IGSF3: variants seen among roughly 807,000 people sequenced by gnomAD.
IGSF3 encodes glu-Trp-Ile EWI motif-containing protein 3.
IGSF3 carries 23 observed loss-of-function variants against 114.4 expected under a neutral mutation model. The observed-to-expected ratio is 0.20, with a 90% CI of 0.14 to 0.28. IGSF3 has a LOEUF of 0.28. Ranked by LOEUF, IGSF3 falls within the 10% of genes least tolerant of loss-of-function variation. The pLI, the probability that IGSF3 is intolerant of heterozygous loss-of-function variation, is 1.00. For synonymous variants in IGSF3, 571 were observed against 645.2 expected (o/e 0.88, Z 1.74); for missense variants, 1,172 against 1,591.5 (o/e 0.74, Z 4.48).
Position 116,574,573 on chromosome 1 carries a change from C to G in IGSF3, c.*2739G>C, listed in dbSNP as rs1045795971. ...ATCTTTTTTTTTCCTCAATAATTAA[C>G]GCAGAGAAACCATTGTTTGAAAAGA... is the stretch of plus-strand genomic sequence containing the variant. On this transcript the variant is annotated 3_prime_UTR_variant, in exon 11 of 11. Transcript: ENST00000369486. The surrounding 1 kb of genome is among the most constrained non-coding windows in gnomAD (Gnocchi z 5.2). The G allele has an allele frequency of 1.3e-5, 2 of 152,388 alleles. No individual in the cohort carries two copies. The highest frequency in any genetic ancestry group is 2.4e-5 in the African/African-American group (1 of 41,368). 9.4% of individuals were successfully genotyped at this position (152,388 alleles called of 1,614,324 possible).
rs1439193248 is a variant in IGSF3 at position 116,627,158 on chromosome 1, C to G, written c.44-10701G>C. On this transcript the variant is annotated intron_variant, in intron 2 of 10. Transcript: ENST00000369486. This position sits in a 1 kb window ranked among gnomAD's most constrained non-coding sequence, Gnocchi z 4.7. ...GGGCATTTTTTTTTAAAGAGGGCAG[C>G]TTCGTGGCAACACTCCCTCTGAGAA... Among the ~76,000 whole-genome samples, 1 of 152,056 alleles carries G rather than the reference C, an allele frequency of 6.6e-6. No homozygotes were observed. Among genetic ancestry groups the G allele is most frequent in the Non-Finnish European group, 1.5e-5 (1 of 68,004 alleles).
At position 116,577,277 on chromosome 1, in the gene IGSF3, C is replaced by T. The variant is rs1360952577; in HGVS notation, c.*35G>A. 8 of 1,608,050 alleles carry T rather than the reference C, an allele frequency of 5.0e-6. No homozygotes were observed. Among genetic ancestry groups the T allele is most frequent in the African/African-American group, 1.3e-5 (1 of 74,734 alleles). ...CACAGAGAAAGGGAGAGCCTCAGCT[C>T]CTCCGTGGCCAACATCCGCTGGGGC... is the stretch of plus-strand genomic sequence containing the variant. On this transcript the variant is annotated 3_prime_UTR_variant, in exon 11 of 11. Transcript: ENST00000369486. This position sits in a 1 kb window ranked among gnomAD's most constrained non-coding sequence, Gnocchi z 5.7.
In IGSF3 at chr1:116,603,826, G is replaced by A; in HGVS notation, c.1422C>T (p.Ser474=). 2 of 1,614,042 alleles carry A rather than the reference G, an allele frequency of 1.2e-6. No individual in the cohort carries two copies. Among genetic ancestry groups the A allele is most frequent in the Non-Finnish European group, 1.7e-6 (2 of 1,179,882 alleles). ...CCCCAAAGCTGCTGCGCTCCCAGTA[G>A]GACGAGCCTGGCTGCACGGTGCCAT... The part of the protein sequence containing the change: ...DRDGTVQPGS[S]YWERSSFGGV... Residue 474 remains serine, a synonymous_variant, in exon 6 of 11, where the codon TCC becomes TCT. Transcript: ENST00000369486. The surrounding 1 kb of genome is among the most constrained non-coding windows in gnomAD (Gnocchi z 7.1).
rs756345113 is a variant in IGSF3, at chr1:116,585,972, C to T, written c.2441-920G>A. 4.7e-4 allele frequency among the ~76,000 whole-genome samples: 72 copies of T among 152,332 alleles called. No homozygotes were observed. The highest frequency in any genetic ancestry group is 3.4e-3 in the Middle Eastern group (1 of 294). Reference sequence around the variant, plus strand: ...TTGAAAACTCAGCCAAGCAGAGTCTCCTCCAGTAGAAAAATGTCTTTAATG... The same window carrying T: ...TTGAAAACTCAGCCAAGCAGAGTCTTCTCCAGTAGAAAAATGTCTTTAATG... On this transcript the variant is annotated intron_variant, in intron 8 of 10. Transcript: ENST00000369486. This position sits in a 1 kb window ranked among gnomAD's most constrained non-coding sequence, Gnocchi z 4.9.
At position 116,577,119 on chromosome 1, in the gene IGSF3, T is replaced by A. The variant is rs116610628; in HGVS notation, c.*193A>T. 0.026 allele frequency: 15,333 copies of A among 599,730 alleles called. 288 individuals are homozygous for A. The highest frequency in any genetic ancestry group is 0.032 in the Non-Finnish European group (10,845 of 342,960). The allele number at this position is 599,730 out of a possible 1,614,324, so 37.2% of individuals were successfully genotyped here. On this transcript the variant is annotated 3_prime_UTR_variant, in exon 11 of 11. Transcript: ENST00000369486. This position sits in a 1 kb window ranked among gnomAD's most constrained non-coding sequence, Gnocchi z 5.7. Reference sequence around the variant, plus strand: ...CAGGATCACAACATTTGCGCGCAAATAGCTAACCAACCAAGACTGCCACCG... The same window carrying A: ...CAGGATCACAACATTTGCGCGCAAAAAGCTAACCAACCAAGACTGCCACCG...
In IGSF3 at chr1:116,627,137, A is replaced by AT. The variant is rs1202408653; in HGVS notation, c.44-10681dup. ...AACAGAAATAGGCTGAGTGTTGGGC[A>AT]TTTTTTTTTAAAGAGGGCAGCTTCG... On this transcript the variant is annotated intron_variant, in intron 2 of 10. Coordinates refer to ENST00000369486, the MANE Select transcript of IGSF3 (RefSeq NM_001007237.3). The surrounding 1 kb of genome is among the most constrained non-coding windows in gnomAD (Gnocchi z 4.7). Among the ~76,000 whole-genome samples the AT allele has an allele frequency of 1.7e-4, 25 of 151,198 alleles. No individual in the cohort carries two copies. The highest frequency in any genetic ancestry group is 5.3e-4 in the Admixed American group (8 of 15,186).
Position 116,647,662 on chromosome 1 carries a change from T to C in IGSF3, c.43+18622A>G, listed in dbSNP as rs544485565. Among the ~76,000 whole-genome samples the C allele has an allele frequency of 7.7e-4, 118 of 152,320 alleles. No individual in the cohort carries two copies. The highest frequency in any genetic ancestry group is 1.5e-3 in the Non-Finnish European group (103 of 68,026). ...ATACTGCTGGCTCCATAACAAATGT[T>C]GATTGAATGTTGTCTGGGCGGACAG... is the stretch of plus-strand genomic sequence containing the variant. On this transcript the variant is annotated intron_variant, in intron 2 of 10. Transcript: ENST00000369486. This position sits in a 1 kb window ranked among gnomAD's most constrained non-coding sequence, Gnocchi z 4.6.
rs559791737 is a variant in IGSF3 at position 116,666,771 on chromosome 1, C to T, written c.-445G>A. 7.2e-6 allele frequency: 3 copies of T among 415,494 alleles called. No homozygotes were observed. Among genetic ancestry groups the T allele is most frequent in the Admixed American group, 4.0e-5 (1 of 25,276 alleles). 25.7% of individuals were successfully genotyped at this position (415,494 alleles called of 1,614,324 possible). ...TCCCCAGAGAGAACAGGGCAGGTTT[C>T]GTCAAAACCTTTGACGGCCAAATCA... On this transcript the variant is annotated 5_prime_UTR_variant, in exon 2 of 11. Coordinates refer to ENST00000369486, the MANE Select transcript of IGSF3 (RefSeq NM_001007237.3).
chr1:116,597,621 GT>G (rs943048633), intron 7 of IGSF3, among the ~76,000 whole-genome samples: 5 of 152,130 alleles, frequency 3.3e-5, no homozygotes, highest in Admixed American at 1.3e-4. Flanking sequence ...GCCAACCACT[GT>G]TCATTCTCAC....
In IGSF3 at chr1:116,657,293, G is replaced by A. The variant is rs1648899189; in HGVS notation, c.43+8991C>T. The stretch of plus-strand genomic sequence containing the variant: ...AGTGCCACCTAGCAAGGTCAATCAA[G>A]GTCACCAATGCAAAGAAGTAGTGGG... On this transcript the variant is annotated intron_variant, in intron 2 of 10. Coordinates refer to ENST00000369486, the MANE Select transcript of IGSF3 (RefSeq NM_001007237.3). This position sits in a 1 kb window ranked among gnomAD's most constrained non-coding sequence, Gnocchi z 4.2. Among the ~76,000 whole-genome samples, 1 of 152,110 alleles carries A rather than the reference G, an allele frequency of 6.6e-6. No homozygotes were observed. The highest frequency in any genetic ancestry group is 2.4e-5 in the African/African-American group (1 of 41,400).
intron 2 of IGSF3, among the ~76,000 whole-genome samples, chr1:116,641,536 AAAAG>A (rs1463791551): frequency 1.4e-5 from 2 of 144,938 alleles, no homozygotes; most frequent in African/African-American, 2.6e-5. Flanking sequence ...GAAAGAAAAG[AAAAG>A]AAAGAAAGAA....
In IGSF3 at chr1:116,666,892, C is replaced by T; in HGVS notation, c.-566G>A. ...GAGGCGCCACCTGCCCCACGCCTGC[C>T]TAGGGCACACGAAGCAAGTTGGCGT... On this transcript the variant is annotated 5_prime_UTR_variant, in exon 2 of 11. Transcript: ENST00000369486. 2.5e-6 allele frequency: 1 copy of T among 405,350 alleles called. No individual in the cohort carries two copies. Among genetic ancestry groups the T allele is most frequent in the South Asian group, 1.2e-4 (1 of 8,592 alleles). 25.1% of individuals were successfully genotyped at this position (405,350 alleles called of 1,614,324 possible).
In IGSF3 at chr1:116,657,786, T is replaced by C. The variant is rs1255273421; in HGVS notation, c.43+8498A>G. ...AAAAAGGAGGCCGCAGACTGCATTC[T>C]GAAGCATCAGACAATGGGTCACATG... On this transcript the variant is annotated intron_variant, in intron 2 of 10. Coordinates refer to ENST00000369486, the MANE Select transcript of IGSF3 (RefSeq NM_001007237.3). The surrounding 1 kb of genome is among the most constrained non-coding windows in gnomAD (Gnocchi z 4.2). 2.0e-5 allele frequency among the ~76,000 whole-genome samples: 3 copies of C among 152,188 alleles called. No homozygotes were observed. Among genetic ancestry groups the C allele is most frequent in the Admixed American group, 2.0e-4 (3 of 15,278 alleles).
intron 2 of IGSF3, among the ~76,000 whole-genome samples, chr1:116,620,236 C>T (rs953363844): frequency 5.3e-5 from 8 of 152,100 alleles, no homozygotes; most frequent in South Asian, 2.1e-4. Context: ...AAGGTGAGCA[C>T]GGAGGCAGTT....
intron 10 of IGSF3, among the ~76,000 whole-genome samples, chr1:116,578,256 C>T (rs1377356299): frequency 6.6e-6 from 1 of 152,118 alleles, no homozygotes; most frequent in Non-Finnish European, 1.5e-5. Flanking sequence ...TGCTGGGTGA[C>T]CTCTGTGCTC....
At chr1:116,640,037 CAAAAAAAAAA>C (rs34003833) in intron 2 of IGSF3, among the ~76,000 whole-genome samples, 1 of 65,292 alleles carries the variant, frequency 1.5e-5, no homozygotes, top group Non-Finnish European at 3.0e-5. Context: ...GACTCTATCT[CAAAAAAAAAA>C]AAAAAAAAAA....
rs1659422402 is a variant in IGSF3, at chr1:116,577,945, A to G, written c.3335-383T>C. On this transcript the variant is annotated intron_variant, in intron 10 of 10. Coordinates refer to ENST00000369486, the MANE Select transcript of IGSF3 (RefSeq NM_001007237.3). This position sits in a 1 kb window ranked among gnomAD's most constrained non-coding sequence, Gnocchi z 5.7. ...GGATTTTACATGCCCCTTTGCACTT[A>G]GTTCTGCTACAGACTTCCTTCTCTG... Among the ~76,000 whole-genome samples, 1 of 152,150 alleles carries G rather than the reference A, an allele frequency of 6.6e-6. No homozygotes were observed. The highest frequency in any genetic ancestry group is 1.5e-5 in the Non-Finnish European group (1 of 68,034).
rs910872843 is a variant in IGSF3 at position 116,664,217 on chromosome 1, T to C, written c.43+2067A>G. On this transcript the variant is annotated intron_variant, in intron 2 of 10. Coordinates refer to ENST00000369486, the MANE Select transcript of IGSF3 (RefSeq NM_001007237.3). This position sits in a 1 kb window ranked among gnomAD's most constrained non-coding sequence, Gnocchi z 4.6. ...CTTCCCACTTCAGCCTGCATCTGGA[T>C]GTCTGCCACTGTGCCCCTTTAAAGC... Among the ~76,000 whole-genome samples, 3 of 152,214 alleles carry C rather than the reference T, an allele frequency of 2.0e-5. No homozygotes were observed. The highest frequency in any genetic ancestry group is 7.2e-5 in the African/African-American group (3 of 41,448).
At position 116,665,807 on chromosome 1, in the gene IGSF3, C is replaced by T. The variant is rs949515355; in HGVS notation, c.43+477G>A. On this transcript the variant is annotated intron_variant, in intron 2 of 10. Transcript: ENST00000369486. This position sits in a 1 kb window ranked among gnomAD's most constrained non-coding sequence, Gnocchi z 4.0. ...TCAGGTAGGCAAAGCATCCCTTCAA[C>T]CCCCATCCCACTTACTCCCATTTCC... is the stretch of plus-strand genomic sequence containing the variant. Among the ~76,000 whole-genome samples, 5 of 152,042 alleles carry T rather than the reference C, an allele frequency of 3.3e-5. No homozygotes were observed. In the South Asian group the frequency reaches 6.2e-4, roughly 19 times the overall value.
Sources: gnomAD v4.1 joint callset for allele counts (sites outside exome capture counted in the v4.1 genomes callset) on GRCh38, gnomAD v4.1.1 for gene constraint, Gnocchi (gnomAD v3.1) non-coding constraint, MANE v1.5 for transcripts, NCBI Gene and HGNC (gene_info 2026-07-23, HGNC 2026-07-21) for gene names.